The following DDX31 variants were observed in gnomAD, a reference collection of about 807,000 sequenced individuals.
The protein encoded by DDX31 is DEAD-box helicase 31.
DDX31 carries 70 observed loss-of-function variants against 91.3 expected under a neutral mutation model. The ratio of observed to expected loss-of-function variants is 0.77; its 90% CI spans 0.63 to 0.94. The LOEUF is 0.94. Ranked by LOEUF, DDX31 falls within the 40% of genes least tolerant of loss-of-function variation. DDX31 has a pLI of 0.00. For synonymous variants in DDX31, 362 were observed against 350.6 expected (o/e 1.03, Z -0.36); for missense variants, 902 against 925.0 (o/e 0.98, Z 0.32).
chr9:132,661,057 TA>T, intron 4 of DDX31, 150 bp downstream of exon 4: 1 of 689,328 alleles, frequency 1.5e-6, no homozygotes, highest in South Asian at 1.7e-5. Flanking sequence ...AGAGAATGAG[TA>T]GCTAAGTGAG....
chr9:132,640,862 C>T (rs1183480805), intron 14 of DDX31, among the ~76,000 whole-genome samples: 3 of 152,058 alleles, frequency 2.0e-5, no homozygotes, highest in Admixed American at 6.5e-5. Context: ...CTAGAGACCA[C>T]GGATAAAGAT....
chr9:132,638,038 G>A, intron 14 of DDX31: 1 of 1,181,766 alleles, frequency 8.5e-7, no homozygotes, highest in Non-Finnish European at 1.1e-6. Flanking sequence ...CGGAGAAGGT[G>A]GAGGAAAGCA....
intron 6 of DDX31, among the ~76,000 whole-genome samples, chr9:132,652,990 A>G (rs1158224817): frequency 1.3e-5 from 2 of 152,120 alleles, no homozygotes; most frequent in Admixed American, 6.6e-5. Flanking sequence ...TAACACACCC[A>G]CTAACCCCAT....
chr9:132,662,978 A>C (rs1036102618), intron 1 of DDX31, among the ~76,000 whole-genome samples: 6 of 152,228 alleles, frequency 3.9e-5, no homozygotes, highest in African/African-American at 1.4e-4. Flanking sequence ...AAGGATGAAG[A>C]AGCAGCATTT....
intron 3 of DDX31, among the ~76,000 whole-genome samples, chr9:132,661,891 T>C (rs1283705904): frequency 6.6e-6 from 1 of 152,146 alleles, no homozygotes; most frequent in Non-Finnish European, 1.5e-5. Context: ...CACTGTGACA[T>C]CTGCCACCAC....
intron 6 of DDX31, 104 bp from the exon 7 acceptor site, chr9:132,652,596 T>C: frequency 2.8e-6 from 4 of 1,424,040 alleles, no homozygotes; most frequent in East Asian, 4.6e-5. Flanking sequence ...AGAAGCACTC[T>C]TAATGAAGAA....
chr9:132,666,799 T>C (rs1286708523), intron 1 of DDX31, among the ~76,000 whole-genome samples: 1 of 151,332 alleles, frequency 6.6e-6, no homozygotes, highest in Non-Finnish European at 1.5e-5. Context: ...CTCCGCCTCC[T>C]GGGTTCACAG....
At chr9:132,620,587 AG>A (rs1212300291) in intron 17 of DDX31, among the ~76,000 whole-genome samples, 1 of 151,392 alleles carries the variant, frequency 6.6e-6, no homozygotes, top group African/African-American at 2.5e-5. Flanking sequence ...TACAATACTT[AG>A]GAAAAAAAAA....
intron 1 of DDX31, among the ~76,000 whole-genome samples, chr9:132,667,100 C>T (rs1277935148): frequency 6.6e-6 from 1 of 151,810 alleles, no homozygotes; most frequent in Non-Finnish European, 1.5e-5. Context: ...CTGCCTGCCT[C>T]GGCCTCCCAA....
chr9:132,647,069 AGT>A lies in DDX31; in HGVS notation c.968-13_968-12del. The stretch of plus-strand genomic sequence containing the variant: ...CTAGCCGCGTTACACCTTGGATAAA[AGT>A]AAGAAGGGCAAAGCAGACAACAAAC... On this transcript the variant is annotated splice_polypyrimidine_tract_variant and intron_variant, in intron 11 of 19. Transcript: ENST00000372159. The A allele has an allele frequency of 1.4e-6, 1 of 731,600 alleles. No individual in the cohort carries two copies. The highest frequency in any genetic ancestry group is 2.0e-6 in the Non-Finnish European group (1 of 508,654). The allele number at this position is 731,600 out of a possible 1,614,324, so 45.3% of individuals were successfully genotyped here.
intron 6 of DDX31, among the ~76,000 whole-genome samples, chr9:132,655,378 G>GA (rs1834497113): frequency 6.6e-6 from 1 of 152,128 alleles, no homozygotes; most frequent in Non-Finnish European, 1.5e-5. Context: ...GCAAGGCACA[G>GA]AACATCCTGC....
At chr9:132,660,952 G>A (rs948955958) in intron 4 of DDX31, 9 of 475,288 alleles carry the variant, frequency 1.9e-5, no homozygotes, top group Admixed American at 4.1e-5. Flanking sequence ...AAACAGCGGC[G>A]CTCATGCAGC....
intron 6 of DDX31, among the ~76,000 whole-genome samples, chr9:132,656,677 T>C (rs17149419): frequency 0.013 from 1,938 of 152,244 alleles, 38 homozygotes; most frequent in African/African-American, 0.043. Flanking sequence ...CCCTGATATG[T>C]ATGTCATCAA....
intron 6 of DDX31, chr9:132,658,287 G>A (rs1430739023): frequency 1.4e-6 from 1 of 703,182 alleles, no homozygotes; most frequent in East Asian, 2.7e-5. Flanking sequence ...TCCATTACTT[G>A]CTGCATGGCC....
chr9:132,637,951 A>G (rs1833230226), intron 14 of DDX31: 1 of 1,010,000 alleles, frequency 9.9e-7, no homozygotes, highest in African/African-American at 1.7e-5. Flanking sequence ...GCCTCCTGGC[A>G]CGGTGGAAAT....
intron 4 of DDX31, 173 bp downstream of exon 4, chr9:132,661,035 T>C: frequency 3.2e-6 from 2 of 634,404 alleles, no homozygotes; most frequent in East Asian, 5.7e-5. Context: ...AGTCTTTCCA[T>C]TTAACAGGTG....
chr9:132,665,797 T>C (rs1015671765), intron 1 of DDX31, among the ~76,000 whole-genome samples: 2 of 152,182 alleles, frequency 1.3e-5, no homozygotes, highest in East Asian at 3.8e-4. Flanking sequence ...AGTACTCACA[T>C]GTATTCTCTC....
At chr9:132,603,003 C>T (rs972680262) in intron 19 of DDX31, among the ~76,000 whole-genome samples, 2 of 152,134 alleles carry the variant, frequency 1.3e-5, no homozygotes, top group African/African-American at 4.8e-5. Context: ...TTCAGGATCT[C>T]TAAGACTCAG....
At position 132,594,725 on chromosome 9, in the gene DDX31, G is replaced by A; in HGVS notation, c.*141C>T. 1 of 1,377,548 alleles carries A rather than the reference G, an allele frequency of 7.3e-7. No homozygotes were observed. Among genetic ancestry groups the A allele is most frequent in the Non-Finnish European group, 9.9e-7 (1 of 1,012,704 alleles). The allele number at this position is 1,377,548 out of a possible 1,614,324, so 85.3% of individuals were successfully genotyped here. ...CCAGGGCCTCCCATGGAGGAGAAGGGCTGTGGCCCCTCTGATTCTTGGGGA... is the reference window on the plus strand; with the variant it reads ...CCAGGGCCTCCCATGGAGGAGAAGGACTGTGGCCCCTCTGATTCTTGGGGA... On this transcript the variant is annotated 3_prime_UTR_variant, in exon 20 of 20. Transcript: ENST00000372159.
Sources: allele counts gnomAD v4.1 joint callset (sites outside exome capture counted in the v4.1 genomes callset), GRCh38; gene constraint gnomAD v4.1.1; transcripts MANE v1.5; gene names NCBI Gene and HGNC (gene_info 2026-07-23, HGNC 2026-07-21).